Variants in TAGLN3 observed in about 807,000 individuals in gnomAD.
TAGLN3 encodes transgelin-3.
Under a neutral mutation model 25.4 loss-of-function variants are expected in TAGLN3, and 12 were observed. The observed-to-expected ratio is 0.47, with a 90% CI of 0.30 to 0.77. The LOEUF is 0.77. TAGLN3 is among the 30% of genes least tolerant of loss of function. The probability of loss-of-function intolerance (pLI) is 0.06; values close to 1 mark genes in which losing one functional copy is unlikely to be tolerated. For synonymous variants in TAGLN3, 96 were observed against 94.8 expected, an observed-to-expected ratio of 1.01 and a Z score of -0.08; for missense variants, 218 against 255.8, an observed-to-expected ratio of 0.85 and a Z score of 1.01.
rs78162993 is a variant in TAGLN3, at chr3:112,012,127, G to T, written c.458+262G>T. Among the ~76,000 whole-genome samples the T allele has an allele frequency of 5.0e-3, 768 of 152,270 alleles. 10 individuals are homozygous for T. Among genetic ancestry groups the T allele is most frequent in the African/African-American group, 0.018 (737 of 41,554 alleles). Reference sequence around the variant, plus strand: ...TTCTGTTTCTCCTGAGGCTCAGCAGGACTGGATGGCCTTTCTTGAAGGTGG... The same window carrying T: ...TTCTGTTTCTCCTGAGGCTCAGCAGTACTGGATGGCCTTTCTTGAAGGTGG... On this transcript the variant is annotated intron_variant, in intron 4 of 4. Transcript: ENST00000478951.
intron 3 of TAGLN3, among the ~76,000 whole-genome samples, chr3:112,005,949 A>C (rs193182851): frequency 4.0e-5 from 6 of 151,466 alleles, no homozygotes; most frequent in African/African-American, 7.3e-5. Flanking sequence ...TTAGTAGAGA[A>C]GAGGTTTCAC....
intron 3 of TAGLN3, among the ~76,000 whole-genome samples, chr3:112,006,474 C>G (rs1301071510): frequency 1.3e-5 from 2 of 152,102 alleles, no homozygotes; most frequent in Non-Finnish European, 2.9e-5. Flanking sequence ...GAAGCTAGGC[C>G]AAAGTTATTA....
chr3:112,013,794 G>T lies in TAGLN3; in HGVS notation c.*243G>T. 1 of 543,450 alleles carries T rather than the reference G, an allele frequency of 1.8e-6. No individual in the cohort carries two copies. Among genetic ancestry groups the T allele is most frequent in the South Asian group, 2.1e-5 (1 of 46,852 alleles). The allele number at this position is 543,450 out of a possible 1,614,324, so 33.7% of individuals were successfully genotyped here. On this transcript the variant is annotated 3_prime_UTR_variant, in exon 5 of 5. Transcript: ENST00000478951. ...GAGCTCCTCGGGCCCCAGAGTCTCTGTTTGATTATTTATTTATTTATTTAT... is the reference window on the plus strand; with the variant it reads ...GAGCTCCTCGGGCCCCAGAGTCTCTTTTTGATTATTTATTTATTTATTTAT...
chr3:112,011,913 G>C (rs2072981320), intron 4 of TAGLN3, 48 bp downstream of exon 4: 1 of 1,577,554 alleles, frequency 6.3e-7, no homozygotes, highest in Non-Finnish European at 8.7e-7. Flanking sequence ...ATTTTAACCA[G>C]AGGGAGGGTC....
At chr3:112,004,996 C>G (rs2072901728) in intron 3 of TAGLN3, among the ~76,000 whole-genome samples, 1 of 152,068 alleles carries the variant, frequency 6.6e-6, no homozygotes, top group Non-Finnish European at 1.5e-5. Flanking sequence ...TGATCATTAC[C>G]CTCTTGATGT....
At position 111,999,478 on chromosome 3, in the gene TAGLN3, A is replaced by G; in HGVS notation, c.56A>G (p.Glu19Gly). ...GLSREVQEKI[E>G]QKYDADLENK... ...AGCCGAGAGGTGCAGGAGAAGATCG[A>G]GCAGAAGTATGATGCGGACCTGGAG... The change falls in exon 2 of 5, where the codon GAG (glutamate) becomes GGG (glycine). Residue 19 changes from glutamate (E) to glycine (G), a missense_variant. Transcript: ENST00000478951. 6.2e-7 allele frequency: 1 copy of G among 1,614,204 alleles called. No homozygotes were observed. The highest frequency in any genetic ancestry group is 2.2e-5 in the East Asian group (1 of 44,880).
At chr3:112,004,897 C>A (rs1030242988) in intron 3 of TAGLN3, among the ~76,000 whole-genome samples, 1 of 152,140 alleles carries the variant, frequency 6.6e-6, no homozygotes, top group African/African-American at 2.4e-5. Context: ...CCCTCTCTGA[C>A]AGCTGTGGAG....
intron 3 of TAGLN3, among the ~76,000 whole-genome samples, chr3:112,011,356 G>T (rs1431705925): frequency 6.6e-6 from 1 of 152,162 alleles, no homozygotes; most frequent in African/African-American, 2.4e-5. Context: ...CTGTTTTCAA[G>T]CGGCACAAAA....
intron 3 of TAGLN3, among the ~76,000 whole-genome samples, chr3:112,004,483 A>G (rs2072895305): frequency 6.6e-6 from 1 of 152,148 alleles, no homozygotes; most frequent in African/African-American, 2.4e-5. Context: ...ATACAAGCTT[A>G]TCCTGGAAAG....
intron 3 of TAGLN3, among the ~76,000 whole-genome samples, chr3:112,006,461 T>C (rs2107722854): frequency 6.6e-6 from 1 of 152,282 alleles, no homozygotes; most frequent in South Asian, 2.1e-4. Context: ...CAGTGGAGAA[T>C]TGGAAGCTAG....
chr3:112,000,630 G>A, intron 2 of TAGLN3, 142 bp from the exon 3 acceptor site: 1 of 835,272 alleles, frequency 1.2e-6, no homozygotes, highest in Non-Finnish European at 1.9e-6. Context: ...ACACAGCCCA[G>A]AGCCCGTGCC....
chr3:112,008,675 G>A (rs757191675), intron 3 of TAGLN3, among the ~76,000 whole-genome samples: 25 of 152,150 alleles, frequency 1.6e-4, no homozygotes, highest in Non-Finnish European at 3.4e-4. Context: ...GCTGGAAAGA[G>A]GCCCTCTTCC....
intron 3 of TAGLN3, among the ~76,000 whole-genome samples, chr3:112,004,670 G>A (rs1208825238): frequency 6.6e-6 from 1 of 152,166 alleles, no homozygotes; most frequent in Non-Finnish European, 1.5e-5. Flanking sequence ...CATTAGAAGT[G>A]TTTAGCATGG....
chr3:111,999,197 T>G, intron 1 of TAGLN3, 83 bp downstream of exon 1: 2 of 470,926 alleles, frequency 4.2e-6, no homozygotes, highest in South Asian at 3.3e-5. Context: ...GGCCGGAGGT[T>G]TATTCTAGAG....
chr3:112,007,633 T>C (rs1306065677), intron 3 of TAGLN3, among the ~76,000 whole-genome samples: 3 of 152,226 alleles, frequency 2.0e-5, no homozygotes, highest in Non-Finnish European at 4.4e-5. Flanking sequence ...AAGAATGGCC[T>C]GGAGCAGTGG....
At chr3:112,006,744 ATCCTTT>A (rs1435475937) in intron 3 of TAGLN3, among the ~76,000 whole-genome samples, 1 of 152,222 alleles carries the variant, frequency 6.6e-6, no homozygotes, top group Non-Finnish European at 1.5e-5. Flanking sequence ...CTTTGCCTTT[ATCCTTT>A]TCATTTACTT....
intron 3 of TAGLN3, among the ~76,000 whole-genome samples, chr3:112,011,328 TTTA>T (rs1240601672): frequency 2.0e-5 from 3 of 152,150 alleles, no homozygotes; most frequent in Non-Finnish European, 4.4e-5. Context: ...AAGCCAGTTG[TTTA>T]TTGTCTCCAT....
At chr3:112,011,445 A>G (rs2072976398) in intron 3 of TAGLN3, among the ~76,000 whole-genome samples, 1 of 152,262 alleles carries the variant, frequency 6.6e-6, no homozygotes, top group Admixed American at 6.5e-5. Context: ...CCTCTGGCCC[A>G]AAGAGCAAAG....
Position 111,999,440 on chromosome 3 carries a change from G to C in TAGLN3, c.18G>C (p.Pro6=), listed in dbSNP as rs758494114. 1 of 1,614,120 alleles carries C rather than the reference G, an allele frequency of 6.2e-7. No homozygotes were observed. Among genetic ancestry groups the C allele is most frequent in the Admixed American group, 1.7e-5 (1 of 60,028 alleles). The change falls in exon 2 of 5, where the codon CCG becomes CCC. Residue 6 remains proline, a synonymous_variant. Coordinates refer to ENST00000478951, the MANE Select transcript of TAGLN3 (RefSeq NM_001008272.2). ...TTCCAGAGATGGCTAACAGGGGCCC[G>C]AGCTATGGCTTAAGCCGAGAGGTGC... is the stretch of plus-strand genomic sequence containing the variant. MANRG[P]SYGLSREVQE...
Sources: allele counts gnomAD v4.1 joint callset (sites outside exome capture counted in the v4.1 genomes callset), GRCh38; gene constraint gnomAD v4.1.1; transcripts MANE v1.5; gene names NCBI Gene and HGNC (gene_info 2026-07-23, HGNC 2026-07-21).